The following PPHLN1 variants were observed in gnomAD, a reference collection of about 807,000 sequenced individuals.
The protein encoded by PPHLN1 is periphilin-1.
A neutral mutation model predicts 51.3 loss-of-function variants in PPHLN1; 29 were observed. That is an observed-to-expected ratio of 0.57 (90% confidence interval 0.42 to 0.77). The LOEUF (loss-of-function observed/expected upper bound fraction) is 0.77, where lower values mean the gene tolerates loss of function less well. Among genes scored for constraint, PPHLN1 ranks in the 30% least tolerant of loss-of-function variants. PPHLN1 has a pLI of 0.00. For missense variants in PPHLN1, 436 were observed against 438.4 expected, an observed-to-expected ratio of 0.99 and a Z score of 0.05; for synonymous variants, 147 against 147.8, an observed-to-expected ratio of 0.99 and a Z score of 0.04.
At chr12:42,386,716 G>A (rs1194301085) in intron 6 of PPHLN1, among the ~76,000 whole-genome samples, 2 of 152,142 alleles carry the variant, frequency 1.3e-5, no homozygotes, top group Non-Finnish European at 1.5e-5. Context: ...ACAGCTCACT[G>A]TTATTAATTT....
intron 2 of PPHLN1, among the ~76,000 whole-genome samples, chr12:42,348,145 C>G (rs1384851269): frequency 6.6e-6 from 1 of 151,624 alleles, no homozygotes; most frequent in Non-Finnish European, 1.5e-5. Context: ...GAGTCTTGCT[C>G]TGTTGCCCCA....
chr12:42,338,771 A>C (rs922065825), intron 2 of PPHLN1, among the ~76,000 whole-genome samples: 1 of 152,162 alleles, frequency 6.6e-6, no homozygotes. Context: ...CTTTAGTAAC[A>C]CTGTATGGGC....
chr12:42,432,957 TTCTG>T, intron 9 of PPHLN1: 1 of 1,451,454 alleles, frequency 6.9e-7, no homozygotes, highest in Non-Finnish European at 9.7e-7. Flanking sequence ...TGGTAAAAAA[TTCTG>T]CATGCTCCTA....
At chr12:42,332,498 C>A (rs1376943810) in intron 1 of PPHLN1, among the ~76,000 whole-genome samples, 1 of 152,064 alleles carries the variant, frequency 6.6e-6, no homozygotes, top group African/African-American at 2.4e-5. Context: ...ACTTGGGTGG[C>A]CTCTGGTGGC....
At chr12:42,393,746 ATTATGGGCG>A in intron 8 of PPHLN1, 57 bp downstream of exon 8, 1 of 1,489,546 alleles carries the variant, frequency 6.7e-7, no homozygotes, top group Non-Finnish European at 9.0e-7. Context: ...TGGATTTTAA[ATTATGGGCG>A]AAAAATATTT....
In PPHLN1 at chr12:42,441,569, T is replaced by A; in HGVS notation, c.*60T>A. On this transcript the variant is annotated 3_prime_UTR_variant, in exon 10 of 10. Coordinates refer to ENST00000358314, the MANE Select transcript of PPHLN1 (RefSeq NM_201439.2). The stretch of plus-strand genomic sequence containing the variant: ...GTTTCTAAAAATTTTTTTTCCTGGA[T>A]TGTGTAAATCCTTAATATATGGAAT... The A allele has an allele frequency of 6.9e-7, 1 of 1,447,630 alleles. No homozygotes were observed. The highest frequency in any genetic ancestry group is 1.4e-5 in the African/African-American group (1 of 69,824). 89.7% of individuals were successfully genotyped at this position (1,447,630 alleles called of 1,614,324 possible). A position where few individuals can be genotyped will look rare whatever the true frequency, so the allele number is the denominator to read the frequency against.
chr12:42,329,469 G>C (rs1385737693), intron 1 of PPHLN1, among the ~76,000 whole-genome samples: 8 of 152,158 alleles, frequency 5.3e-5, no homozygotes, highest in Non-Finnish European at 1.2e-4. Flanking sequence ...ACTGAGCACA[G>C]TGTGCAAATT....
At chr12:42,378,370 A>G (rs568703392) in intron 5 of PPHLN1, among the ~76,000 whole-genome samples, 1 of 152,204 alleles carries the variant, frequency 6.6e-6, no homozygotes, top group African/African-American at 2.4e-5. Context: ...TATTTTACCT[A>G]TTTCAGATAC....
intron 8 of PPHLN1, among the ~76,000 whole-genome samples, chr12:42,397,033 G>C (rs2139258285): frequency 1.0e-5 from 1 of 97,052 alleles, no homozygotes; most frequent in South Asian, 3.2e-4. Context: ...GCAAGACCTA[G>C]TCTCAAAAAA....
At chr12:42,404,528 T>TCAACAACAA (rs143140913) in intron 9 of PPHLN1, among the ~76,000 whole-genome samples, 19 of 150,892 alleles carry the variant, frequency 1.3e-4, no homozygotes, top group African/African-American at 4.2e-4. Context: ...AAACTCCGTC[T>TCAACAACAA]CAACAACAAC....
At chr12:42,375,468 T>C (rs1215427855) in intron 5 of PPHLN1, among the ~76,000 whole-genome samples, 1 of 151,920 alleles carries the variant, frequency 6.6e-6, no homozygotes, top group Non-Finnish European at 1.5e-5. Context: ...TGCACCACCA[T>C]GCCCGGCTAA....
chr12:42,419,620 A>G (rs562708307), intron 9 of PPHLN1, among the ~76,000 whole-genome samples: 4 of 152,338 alleles, frequency 2.6e-5, no homozygotes, highest in African/African-American at 9.6e-5. Context: ...TGAAGATTGA[A>G]TTGTAATTAA....
chr12:42,404,528 T>TCAACAACAACAACAACAACAACAACAA (rs143140913), intron 9 of PPHLN1, among the ~76,000 whole-genome samples: 70 of 151,010 alleles, frequency 4.6e-4, no homozygotes, highest in African/African-American at 1.6e-3. Flanking sequence ...AAACTCCGTC[T>TCAACAACAACAACAACAACAACAACAA]CAACAACAAC....
downstream of PPHLN1, chr12:42,448,358 A>ATTTTTTTTTTTTTTTTTTTTTTTTT (rs34304769): frequency 7.6e-6 from 1 of 131,600 alleles, no homozygotes. Flanking sequence ...AATCTATTTG[A>ATTTTTTTTTTTTTTTTTTTTTTTTT]TTTTTTTTTT....
intron 5 of PPHLN1, among the ~76,000 whole-genome samples, chr12:42,384,635 A>G (rs1330217196): frequency 6.6e-6 from 1 of 152,104 alleles, no homozygotes; most frequent in Non-Finnish European, 1.5e-5. Context: ...TCAACTTTCA[A>G]TGTCTTGTCT....
rs368014474 is a variant in PPHLN1, at chr12:42,393,555, T to C, written c.649-15T>C. 43 of 1,576,372 alleles carry C rather than the reference T, an allele frequency of 2.7e-5. No homozygotes were observed. In the African/African-American group the frequency reaches 5.1e-4, roughly 19 times the overall value. ...GCCCTTGAGAATTGTAACAGAAATG[T>C]TCTATTTTTATTAGGTGTTAGACAA... On this transcript the variant is annotated splice_polypyrimidine_tract_variant and intron_variant, in intron 7 of 9. Coordinates refer to ENST00000358314, the MANE Select transcript of PPHLN1 (RefSeq NM_201439.2).
rs1223842244 is a variant in PPHLN1 at position 42,347,262 on chromosome 12, CT to C, written c.73-4620del. On this transcript the variant is annotated intron_variant, in intron 2 of 9. Transcript: ENST00000358314. ...CTTTGGAGAAATGCCTGTTTATGGT[CT>C]TTGTCCATTTTTAAATTGACTTTTT... 4 of 152,198 alleles carry C rather than the reference CT, an allele frequency of 2.6e-5. No homozygotes were observed. In the East Asian group the frequency reaches 7.7e-4, roughly 29 times the overall value. The allele number at this position is 152,198 out of a possible 1,614,324, so 9.4% of individuals were successfully genotyped here. A position where few individuals can be genotyped will look rare whatever the true frequency, so the allele number is the denominator to read the frequency against.
intron 9 of PPHLN1, among the ~76,000 whole-genome samples, chr12:42,413,524 A>ATGTGTGTGTGTGTG (rs1397983458): frequency 2.5e-5 from 3 of 119,012 alleles, no homozygotes; most frequent in South Asian, 2.8e-4. Flanking sequence ...ATATATATGT[A>ATGTGTGTGTGTGTG]TATGTGTGTG....
intron 9 of PPHLN1, among the ~76,000 whole-genome samples, chr12:42,416,361 C>T (rs1167245518): frequency 6.6e-6 from 1 of 152,168 alleles, no homozygotes; most frequent in Non-Finnish European, 1.5e-5. Flanking sequence ...AGGAAGTGTT[C>T]TGTTTCAACC....
Sources: allele counts gnomAD v4.1 joint callset (sites outside exome capture counted in the v4.1 genomes callset), GRCh38; gene constraint gnomAD v4.1.1; transcripts MANE v1.5; gene names NCBI Gene and HGNC (gene_info 2026-07-23, HGNC 2026-07-21).